The following HSD11B1 variants were observed in gnomAD, a reference collection of about 807,000 sequenced individuals.
HSD11B1 encodes the protein 11-beta-hydroxysteroid dehydrogenase 1.
HSD11B1 carries 15 observed loss-of-function variants against 22.1 expected under a neutral mutation model. The observed-to-expected ratio is 0.68, with a 90% CI of 0.45 to 1.04. The LOEUF is 1.04. HSD11B1 is among the 50% of genes least tolerant of loss of function. The pLI is 0.00. For missense variants in HSD11B1, 281 were observed against 357.6 expected (o/e 0.79, Z 1.73); for synonymous variants, 122 against 125.2 (o/e 0.97, Z 0.17).
At chr1:209,726,086 T>C (rs1370551308) in intron 4 of HSD11B1, among the ~76,000 whole-genome samples, 1 of 151,888 alleles carries the variant, frequency 6.6e-6, no homozygotes, top group Non-Finnish European at 1.5e-5. Flanking sequence ...ATCAAGACCA[T>C]CCTGGCCAAC....
rs1265860255 is a variant in HSD11B1 at position 209,694,864 on chromosome 1, C to CACTAAAGCAGAAATGTGAAATGTG, written c.-49+8580_-49+8581insCTAAAGCAGAAATGTGAAATGTGA. ...AATAGATTGGGGAAGGTGAGGTGGC[C>CACTAAAGCAGAAATGTGAAATGTG]AGAGAAATGTGAGGAGGTCACTAAA... On this transcript the variant is annotated intron_variant, in intron 1 of 6. Transcript: ENST00000261465. 8.5e-5 allele frequency among the ~76,000 whole-genome samples: 13 copies of CACTAAAGCAGAAATGTGAAATGTG among 152,242 alleles called. No individual in the cohort carries two copies. The East Asian group carries it at 2.5e-3, about 29-fold the overall frequency.
At chr1:209,694,515 A>T (rs2076779364) in intron 1 of HSD11B1, among the ~76,000 whole-genome samples, 1 of 152,208 alleles carries the variant, frequency 6.6e-6, no homozygotes, top group African/African-American at 2.4e-5. Flanking sequence ...ATGATAAGGA[A>T]TTGGGGCAAG....
intron 4 of HSD11B1, 78 bp from the exon 5 acceptor site, chr1:209,732,358 G>A: frequency 1.3e-6 from 2 of 1,495,354 alleles, no homozygotes; most frequent in Non-Finnish European, 1.9e-6. Flanking sequence ...CACCATAGGA[G>A]TTACAAAGCC....
chr1:209,706,663 A>C lies in HSD11B1; in HGVS notation c.220-46A>C. 7.3e-7 allele frequency: 1 copy of C among 1,377,604 alleles called. No homozygotes were observed. The highest frequency in any genetic ancestry group is 1.2e-5 in the South Asian group (1 of 86,196). 85.3% of individuals were successfully genotyped at this position (1,377,604 alleles called of 1,614,324 possible). On this transcript the variant is annotated intron_variant, in intron 2 of 5. Transcript: ENST00000367027. This position sits in a 1 kb window ranked among gnomAD's most constrained non-coding sequence, Gnocchi z 4.0. ...CCGTTACTTCAGAGACTACCCCCCA[A>C]AAATCTGCAGCTAAGACTGATGCCA... is the stretch of plus-strand genomic sequence containing the variant.
chr1:209,716,871 C>T (rs566828327), intron 4 of HSD11B1, among the ~76,000 whole-genome samples: 270 of 152,224 alleles, frequency 1.8e-3, no homozygotes, highest in African/African-American at 6.0e-3. Flanking sequence ...AAGAATGAAA[C>T]TAGATCTCTA....
rs748280884 is a variant in HSD11B1, at chr1:209,725,808, C to T, written c.518-6628C>T. On this transcript the variant is annotated intron_variant, in intron 4 of 5. Coordinates refer to ENST00000367027, the MANE Select transcript of HSD11B1 (RefSeq NM_005525.4). ...GAATGGGGGGCAGAGCTCAAATCTG[C>T]AGGTTAATGGTCCTTATTTGCACAT... Among the ~76,000 whole-genome samples the T allele has an allele frequency of 3.0e-4, 46 of 152,180 alleles. 1 individual carries two copies. The highest frequency in any genetic ancestry group is 7.3e-5 in the Non-Finnish European group (5 of 68,030).
intron 4 of HSD11B1, among the ~76,000 whole-genome samples, chr1:209,722,121 C>T (rs1260834496): frequency 6.6e-6 from 1 of 152,142 alleles, no homozygotes; most frequent in Non-Finnish European, 1.5e-5. Context: ...GGATGTTCTT[C>T]AAATCTATTC....
In HSD11B1 at chr1:209,732,598, G is replaced by GT. The variant is rs45537435; in HGVS notation, c.661+28dup. 7,122 of 1,586,238 alleles carry GT rather than the reference G, an allele frequency of 4.5e-3. 146 individuals are homozygous for GT. In the African/African-American group the frequency reaches 0.061, roughly 14 times the overall value. ...GACACAGGTAAGGTCAATACTTTGT[G>GT]TTTTTTTTTAATTATTATACTTTAA... On this transcript the variant is annotated intron_variant, in intron 5 of 5. Transcript: ENST00000367027.
intron 4 of HSD11B1, among the ~76,000 whole-genome samples, chr1:209,727,023 T>C (rs1394885270): frequency 5.9e-5 from 9 of 152,160 alleles, no homozygotes; most frequent in Admixed American, 5.9e-4. Context: ...TGACCTTAAG[T>C]GGACACATAG....
intron 4 of HSD11B1, among the ~76,000 whole-genome samples, chr1:209,724,703 G>A (rs989211904): frequency 2.0e-5 from 3 of 152,092 alleles, no homozygotes; most frequent in Non-Finnish European, 4.4e-5. Flanking sequence ...TCTAAATATG[G>A]TTTACATAGA....
intron 4 of HSD11B1, among the ~76,000 whole-genome samples, chr1:209,723,139 T>C (rs1177836642): frequency 1.3e-5 from 2 of 152,168 alleles, no homozygotes; most frequent in Non-Finnish European, 2.9e-5. Context: ...CATATTTTGC[T>C]TCAGAAAATA....
intron 4 of HSD11B1, among the ~76,000 whole-genome samples, chr1:209,712,534 A>C (rs2076904291): frequency 6.6e-6 from 1 of 152,218 alleles, no homozygotes; most frequent in African/African-American, 2.4e-5. Context: ...ATACTACATC[A>C]TTTTATATAT....
chr1:209,716,953 C>G (rs538434235), intron 4 of HSD11B1, among the ~76,000 whole-genome samples: 1 of 152,058 alleles, frequency 6.6e-6, no homozygotes, highest in South Asian at 2.1e-4. Context: ...ACTATGAAAC[C>G]AGAAGAAAAT....
chr1:209,731,187 T>G (rs773420550), intron 4 of HSD11B1, among the ~76,000 whole-genome samples: 30 of 152,228 alleles, frequency 2.0e-4, no homozygotes, highest in Non-Finnish European at 4.1e-4. Context: ...CTAGTTGTTC[T>G]CTGAACAATG....
chr1:209,711,309 G>C (rs908602557), intron 4 of HSD11B1, among the ~76,000 whole-genome samples: 1 of 152,146 alleles, frequency 6.6e-6, no homozygotes, highest in Non-Finnish European at 1.5e-5. Flanking sequence ...ATGTTTCAAT[G>C]TATAGCTGTG....
upstream of HSD11B1, chr1:209,704,807 C>A: frequency 1.4e-6 from 1 of 690,388 alleles, no homozygotes; most frequent in Non-Finnish European, 2.6e-6. Flanking sequence ...TTGGCTAGCA[C>A]TGCCTGAGAC....
At chr1:209,717,089 G>A (rs2076934847) in intron 4 of HSD11B1, among the ~76,000 whole-genome samples, 1 of 152,038 alleles carries the variant, frequency 6.6e-6, no homozygotes, top group Non-Finnish European at 1.5e-5. Context: ...GCATAGAAAA[G>A]GAAACAATCA....
At position 209,706,049 on chromosome 1, in the gene HSD11B1, G is replaced by A; in HGVS notation, c.219+108G>A. 1 of 1,422,266 alleles carries A rather than the reference G, an allele frequency of 7.0e-7. No individual in the cohort carries two copies. Among genetic ancestry groups the A allele is most frequent in the Non-Finnish European group, 9.9e-7 (1 of 1,012,846 alleles). The allele number at this position is 1,422,266 out of a possible 1,614,324, so 88.1% of individuals were successfully genotyped here. A position where few individuals can be genotyped will look rare whatever the true frequency, so the allele number is the denominator to read the frequency against. ...AGCATATCGCAGATCTATATACAGA[G>A]GCACATGCACACACACAGACACTTA... is the stretch of plus-strand genomic sequence containing the variant. On this transcript the variant is annotated intron_variant, in intron 2 of 5. Coordinates refer to ENST00000367027, the MANE Select transcript of HSD11B1 (RefSeq NM_005525.4). This position sits in a 1 kb window ranked among gnomAD's most constrained non-coding sequence, Gnocchi z 4.0.
intron 4 of HSD11B1, among the ~76,000 whole-genome samples, chr1:209,721,051 G>C (rs1419918785): frequency 6.6e-6 from 1 of 152,156 alleles, no homozygotes; most frequent in Non-Finnish European, 1.5e-5. Flanking sequence ...AGTAGAGATT[G>C]TGATGTAGCC....
Sources: gnomAD v4.1 joint callset for allele counts (sites outside exome capture counted in the v4.1 genomes callset) on GRCh38, gnomAD v4.1.1 for gene constraint, Gnocchi (gnomAD v3.1) non-coding constraint, MANE v1.5 for transcripts, NCBI Gene and HGNC (gene_info 2026-07-23, HGNC 2026-07-21) for gene names.